Variants in IFT20 observed in about 807,000 individuals in gnomAD.
IFT20 encodes the protein intraflagellar transport protein 20 homolog.
IFT20 carries 4 observed loss-of-function variants against 16.9 expected under a neutral mutation model. The ratio of observed to expected loss-of-function variants is 0.24; its 90% CI spans 0.12 to 0.54. IFT20 has a LOEUF of 0.54. Ranked by LOEUF, IFT20 falls within the 20% of genes least tolerant of loss-of-function variation. The pLI is 0.95. For missense variants in IFT20, 154 were observed against 149.7 expected, an observed-to-expected ratio of 1.03 and a Z score of -0.15; for synonymous variants, 48 against 49.9, an observed-to-expected ratio of 0.96 and a Z score of 0.16.
At chr17:28,331,007 G>C (rs1906740290) in intron 2 of IFT20, among the ~76,000 whole-genome samples, 1 of 152,212 alleles carries the variant, frequency 6.6e-6, no homozygotes, top group Non-Finnish European at 1.5e-5. Context: ...AGGAGTGACA[G>C]GAAGCACTGT....
rs1430164344 is a variant in IFT20, at chr17:28,335,336, C to T, written c.-3+4G>A. The stretch of plus-strand genomic sequence containing the variant: ...CCGCGTCCCCCGACCCGAGGTCAGC[C>T]TACCTGCCGGCCCCGCGGCGGCAGC... On this transcript the variant is annotated splice_donor_region_variant and intron_variant, in intron 1 of 4. Coordinates refer to ENST00000395418, the MANE Select transcript of IFT20 (RefSeq NM_001267776.2). 1 of 152,294 alleles carries T rather than the reference C, an allele frequency of 6.6e-6. No homozygotes were observed. Among genetic ancestry groups the T allele is most frequent in the Non-Finnish European group, 1.5e-5 (1 of 68,118 alleles). 9.4% of individuals were successfully genotyped at this position (152,294 alleles called of 1,614,324 possible).
chr17:28,329,228 C>T lies in IFT20; in HGVS notation c.262G>A (p.Ala88Thr), dbSNP rs1906560011. The T allele has an allele frequency of 1.2e-6, 2 of 1,614,050 alleles. No individual in the cohort carries two copies. Among genetic ancestry groups the T allele is most frequent in the African/African-American group, 1.3e-5 (1 of 74,906 alleles). The stretch of plus-strand genomic sequence containing the variant: ...AGGGCTTGAAGTTGCTGCTGTTGAG[C>T]TTCTCTCTGCTTTGCTATAGATTTG... ...LLKSIAKQREAQQQQLQALIA... is the reference protein window; with the variant it reads ...LLKSIAKQRETQQQQLQALIA... The change falls in exon 4 of 5, where the codon GCT (alanine) becomes ACT (threonine). Residue 88 changes from alanine (A) to threonine (T), a missense_variant. By Grantham distance (58) the Ala-to-Thr change is moderately conservative (BLOSUM62 0). Coordinates refer to ENST00000395418, the MANE Select transcript of IFT20 (RefSeq NM_001267776.2).
chr17:28,334,513 A>T (rs1365839183), intron 1 of IFT20, among the ~76,000 whole-genome samples: 6 of 152,270 alleles, frequency 3.9e-5, no homozygotes, highest in Non-Finnish European at 8.8e-5. Flanking sequence ...GGGTAATGGG[A>T]CAGCCAGCGG....
intron 3 of IFT20, chr17:28,329,666 C>G (rs551676277): frequency 1.2e-5 from 2 of 171,234 alleles, no homozygotes; most frequent in Non-Finnish European, 2.5e-5. Context: ...TGGCTCACAC[C>G]TGCAATCCCA....
chr17:28,331,026 A>AAAGGGCAGCCTCAGGACAC (rs1375624396), intron 2 of IFT20, among the ~76,000 whole-genome samples: 7 of 152,340 alleles, frequency 4.6e-5, no homozygotes, highest in African/African-American at 1.4e-4. Flanking sequence ...GTTGTTCACA[A>AAAGGGCAGCCTCAGGACAC]AAGGGCAGCC....
chr17:28,330,084 A>G, intron 3 of IFT20: 1 of 557,488 alleles, frequency 1.8e-6, no homozygotes, highest in Non-Finnish European at 3.1e-6. Context: ...AAATACAAAA[A>G]CCTCAGCTGG....
At position 28,329,343 on chromosome 17, in the gene IFT20, G is replaced by A; in HGVS notation, c.214-67C>T. On this transcript the variant is annotated intron_variant, in intron 3 of 4. Transcript: ENST00000395418. ...TCTACAGCATCAAGTCCTCAAAGTG[G>A]GGAGGGGTTATCTGGGAGCTGTGTC... The A allele has an allele frequency of 4.0e-6, 5 of 1,255,330 alleles. No homozygotes were observed. The South Asian group carries it at 6.2e-5, about 16-fold the overall frequency. 77.8% of individuals were successfully genotyped at this position (1,255,330 alleles called of 1,614,324 possible).
chr17:28,335,209 G>C (rs1221352038), intron 1 of IFT20, 131 bp downstream of exon 1: 6 of 152,360 alleles, frequency 3.9e-5, no homozygotes, highest in Non-Finnish European at 7.3e-5. Context: ...GGGTGTGAAA[G>C]CGCCCCCCTG....
At chr17:28,334,164 C>T (rs1555576993) in intron 1 of IFT20, among the ~76,000 whole-genome samples, 1 of 152,162 alleles carries the variant, frequency 6.6e-6, no homozygotes. Context: ...CGTGATATTA[C>T]TATAAGGAAA....
rs1555576602 is a variant in IFT20, at chr17:28,331,904, G to C, written c.82C>G (p.Gln28Glu). The change falls in exon 2 of 5, where the codon CAG becomes GAG. Residue 28 changes from glutamine to glutamate, a missense_variant. Transcript: ENST00000395418. Reference protein sequence around the residue: ...KLRVLDPEVTQQTIELKEECK... With the variant: ...KLRVLDPEVTEQTIELKEECK... ...TCTTCCTTCAGCTCTATGGTCTGCT[G>C]GGTAACCTCTGGGTCCAACACCCTC... 6.2e-7 allele frequency: 1 copy of C among 1,614,084 alleles called. No homozygotes were observed. Among genetic ancestry groups the C allele is most frequent in the African/African-American group, 1.3e-5 (1 of 74,924 alleles).
In IFT20 at chr17:28,332,371, C is replaced by G. The variant is rs903438424; in HGVS notation, c.-2-384G>C. The G allele has an allele frequency of 6.2e-5, 37 of 599,428 alleles. No homozygotes were observed. The African/African-American group carries it at 6.9e-4, about 11-fold the overall frequency. 37.1% of individuals were successfully genotyped at this position (599,428 alleles called of 1,614,324 possible). ...GCAACACGGTGCCCGCCCTGAAGAG[C>G]ACATAGTTCAGCTGGAAGAAGACAG... On this transcript the variant is annotated intron_variant, in intron 1 of 4. Transcript: ENST00000395418.
intron 1 of IFT20, chr17:28,332,516 GTGTATTTACTTTATATA>G (rs1906857117): frequency 7.1e-6 from 2 of 282,880 alleles, no homozygotes; most frequent in Non-Finnish European, 1.4e-5. Flanking sequence ...TAAGCCATCA[GTGTATTTACTTTATATA>G]TCACCAGTTA....
chr17:28,329,238 C>G lies in IFT20; in HGVS notation c.252G>C (p.Lys84Asn), dbSNP rs782086869. The change falls in exon 4 of 5, where the codon AAG (lysine) becomes AAC (asparagine). Residue 84 changes from lysine to asparagine, a missense_variant. Physicochemically the swap from Lys to Asn is moderately conservative, Grantham distance 94 (BLOSUM62 0). Coordinates refer to ENST00000395418, the MANE Select transcript of IFT20 (RefSeq NM_001267776.2). ...GTTGCTGCTGTTGAGCTTCTCTCTG[C>G]TTTGCTATAGATTTGAGCAAGTTCC... ...GARNLLKSIA[K>N]QREAQQQQLQ... The G allele has an allele frequency of 6.2e-7, 1 of 1,614,154 alleles. No homozygotes were observed. Among genetic ancestry groups the G allele is most frequent in the South Asian group, 1.1e-5 (1 of 91,078 alleles).
At chr17:28,334,429 G>A (rs1906996254) in intron 1 of IFT20, among the ~76,000 whole-genome samples, 2 of 152,258 alleles carry the variant, frequency 1.3e-5, no homozygotes, top group African/African-American at 2.4e-5. Flanking sequence ...ACAGAATGAG[G>A]CTAGACAGGG....
intron 1 of IFT20, among the ~76,000 whole-genome samples, chr17:28,333,072 A>AACACACACACAC (rs56753724): frequency 0.08 from 11,515 of 144,388 alleles, 519 homozygotes; most frequent in Non-Finnish European, 0.089. Context: ...TCTGGCTCAA[A>AACACACACACAC]ACACACACAC....
intron 1 of IFT20, among the ~76,000 whole-genome samples, chr17:28,333,107 A>ACACACACACACACACACACAC (rs1555576829): frequency 2.0e-5 from 3 of 150,820 alleles, no homozygotes; most frequent in East Asian, 1.9e-4. Context: ...ACACACACAC[A>ACACACACACACACACACACAC]ATTAAACATA....
In IFT20 at chr17:28,334,149, C is replaced by A. The variant is rs3093674; in HGVS notation, c.-3+1191G>T. On this transcript the variant is annotated intron_variant, in intron 1 of 4. Coordinates refer to ENST00000395418, the MANE Select transcript of IFT20 (RefSeq NM_001267776.2). Reference sequence around the variant, plus strand: ...TGGACAGATGGTAAAGAAATAATCACAAATCGTGATATTACTATAAGGAAA... The same window carrying A: ...TGGACAGATGGTAAAGAAATAATCAAAAATCGTGATATTACTATAAGGAAA... 5.6e-3 allele frequency among the ~76,000 whole-genome samples: 849 copies of A among 152,246 alleles called. 8 individuals carry two copies. The highest frequency in any genetic ancestry group is 0.02 in the African/African-American group (811 of 41,534).
chr17:28,329,641 C>T (rs567053812), intron 3 of IFT20: 153 of 177,130 alleles, frequency 8.6e-4, no homozygotes, highest in African/African-American at 3.4e-3. Flanking sequence ...GAAGATGAAA[C>T]GAGGCCAGGT....
At chr17:28,328,988 C>T in intron 4 of IFT20, 185 bp downstream of exon 4, 1 of 619,216 alleles carries the variant, frequency 1.6e-6, no homozygotes, top group Non-Finnish European at 2.8e-6. Flanking sequence ...TTGATATTAA[C>T]AAGTTTTCTA....
Sources: allele counts gnomAD v4.1 joint callset (sites outside exome capture counted in the v4.1 genomes callset), GRCh38; gene constraint gnomAD v4.1.1; transcripts MANE v1.5; gene names NCBI Gene and HGNC (gene_info 2026-07-23, HGNC 2026-07-21).